The following ADGRB1 variants were observed in gnomAD, a reference collection of about 807,000 sequenced individuals.
ADGRB1 encodes adhesion G protein-coupled receptor B1, also known as brain-specific angiogenesis inhibitor 1.
A neutral mutation model predicts 175.7 loss-of-function variants in ADGRB1; 36 were observed. The observed-to-expected ratio is 0.20, with a 90% CI of 0.16 to 0.27. The LOEUF is 0.27. ADGRB1 is among the 10% of genes least tolerant of loss of function. ADGRB1 has a pLI of 1.00. For missense variants in ADGRB1, 1,731 were observed against 2,255.3 expected (o/e 0.77, Z 4.71); for synonymous variants, 1,054 against 979.4 (o/e 1.08, Z -1.42).
rs746533944 is a variant in ADGRB1, at chr8:142,475,564, C to T, written c.875C>T (p.Pro292Leu). 2.4e-6 allele frequency: 3 copies of T among 1,274,316 alleles called. No homozygotes were observed. The highest frequency in any genetic ancestry group is 3.0e-6 in the Non-Finnish European group (3 of 1,010,536). 78.9% of individuals were successfully genotyped at this position (1,274,316 alleles called of 1,614,324 possible). ...CGGACGCGCACCTGCCTGCCCGCGC[C>T]GGGCGTGGAGGGCGGCGGCTGCGAG... Reference protein sequence around the residue: ...QTRTRTCLPAPGVEGGGCEGV... With the variant: ...QTRTRTCLPALGVEGGGCEGV... Residue 292 changes from proline (P) to leucine (L), a missense_variant, in exon 3 of 31, where the codon CCG becomes CTG. By Grantham distance (98) the Pro-to-Leu change is moderately conservative (BLOSUM62 -3). Around this residue, in one of 8 missense-constraint regions of ADGRB1, gnomAD observed 178 missense variants for 227.8 expected, o/e 0.78. Transcript: ENST00000517894.
rs997125934 is a variant in ADGRB1, at chr8:142,511,836, G to C, written c.2817+763G>C. The stretch of plus-strand genomic sequence containing the variant: ...GAGGCCCAGGACAGCCCACAGAGCA[G>C]GAAAGGGCCTTGGGCGTGTGCTCAC... On this transcript the variant is annotated intron_variant, in intron 18 of 30. Coordinates refer to ENST00000517894, the MANE Select transcript of ADGRB1 (RefSeq NM_001702.3). The surrounding 1 kb of genome is among the most constrained non-coding windows in gnomAD (Gnocchi z 4.5). Among the ~76,000 whole-genome samples the C allele has an allele frequency of 1.3e-5, 2 of 152,248 alleles. No homozygotes were observed. The highest frequency in any genetic ancestry group is 2.9e-5 in the Non-Finnish European group (2 of 68,048).
intron 26 of ADGRB1, 46 bp from the exon 27 acceptor site, chr8:142,539,328 C>T: frequency 1.3e-6 from 2 of 1,553,940 alleles, no homozygotes; most frequent in South Asian, 1.2e-5. Flanking sequence ...GCACACACCC[C>T]CGCTCCCAGA....
rs1461146954 is a variant in ADGRB1 at position 142,464,324 on chromosome 8, G to A, written c.126G>A (p.Pro42=). 1.3e-6 allele frequency: 2 copies of A among 1,492,672 alleles called. No individual in the cohort carries two copies. The highest frequency in any genetic ancestry group is 1.3e-5 in the South Asian group (1 of 77,782). The allele number at this position is 1,492,672 out of a possible 1,614,324, so 92.5% of individuals were successfully genotyped here. ...CAGACGCGGGGCCCGGGCCCGAGCCGTGCGCCACGCTGGTGCAGGGAAAGT... is the reference window on the plus strand; with the variant it reads ...CAGACGCGGGGCCCGGGCCCGAGCCATGCGCCACGCTGGTGCAGGGAAAGT... ...AGADAGPGPE[P]CATLVQGKFF... is the part of the protein sequence containing the mutation. Residue 42 remains proline (P), a synonymous_variant, in exon 2 of 31, where the codon CCG becomes CCA. Transcript: ENST00000517894.
intron 1 of ADGRB1, 46 bp from the exon 2 acceptor site, chr8:142,463,934 C>T: frequency 3.1e-6 from 1 of 324,066 alleles, no homozygotes; most frequent in Non-Finnish European, 5.6e-6. Context: ...CCAGAGCCCA[C>T]GTCTCCCCAA....
chr8:142,537,071 G>A lies in ADGRB1; in HGVS notation c.3655G>A (p.Ala1219Thr), dbSNP rs1273962372. 4 of 1,556,556 alleles carry A rather than the reference G, an allele frequency of 2.6e-6. No individual in the cohort carries two copies. The highest frequency in any genetic ancestry group is 1.4e-5 in the African/African-American group (1 of 73,076). Reference protein sequence around the residue: ...DSGGSFQNGHAQLMTDFEKDV... With the variant: ...DSGGSFQNGHTQLMTDFEKDV... ...AGGGGGCTCCTTCCAGAACGGCCAC[G>A]CCCAGCTCATGGTAGGACTCAGGGC... Residue 1219 changes from alanine to threonine, a missense_variant, in exon 26 of 31, where the codon GCC (alanine) becomes ACC (threonine). This residue lies in a region of ADGRB1 where 301 missense variants were observed against 488.4 expected (regional missense o/e 0.62). Transcript: ENST00000517894. This position sits in a 1 kb window ranked among gnomAD's most constrained non-coding sequence, Gnocchi z 4.6.
At position 142,522,125 on chromosome 8, in the gene ADGRB1, G is replaced by C. The variant is rs765690976; in HGVS notation, c.3175+10G>C. ...CTCTGCCTGGGCTGGGGTGAGCCGC[G>C]GCCTTCCCGACCCTCCTGGACAGAT... is the stretch of plus-strand genomic sequence containing the variant. On this transcript the variant is annotated intron_variant, in intron 21 of 30. Coordinates refer to ENST00000517894, the MANE Select transcript of ADGRB1 (RefSeq NM_001702.3). 3.1e-6 allele frequency: 5 copies of C among 1,605,976 alleles called. No homozygotes were observed. In the South Asian group the frequency reaches 3.3e-5, roughly 11 times the overall value.
rs376987304 is a variant in ADGRB1 at position 142,542,254 on chromosome 8, T to C, written c.4020T>C (p.Ala1340=). Residue 1340 remains alanine, a synonymous_variant, in exon 28 of 31, where the codon GCT becomes GCC. Coordinates refer to ENST00000517894, the MANE Select transcript of ADGRB1 (RefSeq NM_001702.3). This position sits in a 1 kb window ranked among gnomAD's most constrained non-coding sequence, Gnocchi z 6.3. ...AGCTGAGCCGGGCCCAGGAGAAGGC[T>C]CTGGACACGAGCTACGTGATCCTGC... ...DSELSRAQEK[A]LDTSYVILPT... 5.6e-6 allele frequency: 9 copies of C among 1,613,292 alleles called. No individual in the cohort carries two copies. The highest frequency in any genetic ancestry group is 5.3e-5 in the African/African-American group (4 of 74,846).
In ADGRB1 at chr8:142,465,042, A is replaced by G. The variant is rs553353832; in HGVS notation, c.784+60A>G. 1.1e-4 allele frequency: 74 copies of G among 657,670 alleles called. 1 individual carries two copies. Among genetic ancestry groups the G allele is most frequent in the Middle Eastern group, 1.1e-3 (2 of 1,896 alleles). 40.7% of individuals were successfully genotyped at this position (657,670 alleles called of 1,614,324 possible). A position where few individuals can be genotyped will look rare whatever the true frequency, so the allele number is the denominator to read the frequency against. On this transcript the variant is annotated intron_variant, in intron 2 of 30. Transcript: ENST00000517894. The stretch of plus-strand genomic sequence containing the variant: ...AGGTGGGCAGACAGGGGAGGCGGGC[A>G]GACAGGGGAGGCGGGCGGATGGGGG...
intron 17 of ADGRB1, among the ~76,000 whole-genome samples, chr8:142,503,520 T>C (rs1215631993): frequency 2.6e-5 from 4 of 152,014 alleles, no homozygotes; most frequent in Non-Finnish European, 5.9e-5. Flanking sequence ...CAGGGGTAGG[T>C]GACAGGCCAG....
chr8:142,516,568 G>C (rs1843453995), intron 18 of ADGRB1, among the ~76,000 whole-genome samples: 1 of 150,980 alleles, frequency 6.6e-6, no homozygotes, highest in African/African-American at 2.4e-5. Flanking sequence ...ATGTGTGTGT[G>C]TGTGGGCCCC....
At chr8:142,469,463 A>G (rs186193842) in intron 2 of ADGRB1, among the ~76,000 whole-genome samples, 47 of 119,088 alleles carry the variant, frequency 3.9e-4, no homozygotes, top group African/African-American at 1.3e-3. Context: ...GAATGTGTGT[A>G]TGCACGTGCA....
At chr8:142,454,800 C>T (rs901345801) in intron 1 of ADGRB1, among the ~76,000 whole-genome samples, 2 of 152,056 alleles carry the variant, frequency 1.3e-5, no homozygotes, top group East Asian at 3.9e-4. Context: ...TTTTTTCATA[C>T]TAACTCATTT....
intron 2 of ADGRB1, 63 bp from the exon 3 acceptor site, chr8:142,475,411 C>T: frequency 8.0e-7 from 1 of 1,242,876 alleles, no homozygotes; most frequent in Non-Finnish European, 1.0e-6. Context: ...ACCCCCATGA[C>T]TTACCCGTCC....
chr8:142,489,672 C>T (rs775559184), intron 16 of ADGRB1, among the ~76,000 whole-genome samples: 34 of 152,208 alleles, frequency 2.2e-4, no homozygotes, highest in Non-Finnish European at 4.3e-4. Context: ...GACTCCCCAC[C>T]TGGGCTCCAA....
chr8:142,522,797 C>T, intron 22 of ADGRB1, 87 bp downstream of exon 22: 5 of 1,315,084 alleles, frequency 3.8e-6, no homozygotes, highest in Admixed American at 3.7e-5. Context: ...CTGGCCATGC[C>T]CTCCCCCCGT....
At chr8:142,481,834 T>G in intron 11 of ADGRB1, 123 bp downstream of exon 11, 1 of 865,256 alleles carries the variant, frequency 1.2e-6, no homozygotes, top group Non-Finnish European at 1.7e-6. Flanking sequence ...TGTCATAGGT[T>G]GAACTCTGAC....
intron 2 of ADGRB1, among the ~76,000 whole-genome samples, chr8:142,466,438 G>A (rs914821477): frequency 4.6e-5 from 7 of 152,248 alleles, no homozygotes; most frequent in Non-Finnish European, 7.3e-5. Flanking sequence ...GCTAGAGAGG[G>A]GCCAGAGGAA....
At chr8:142,453,525 C>G (rs1839484462) in intron 1 of ADGRB1, among the ~76,000 whole-genome samples, 2 of 152,330 alleles carry the variant, frequency 1.3e-5, no homozygotes, top group Admixed American at 6.5e-5. Context: ...CTGGCTGCAG[C>G]TGCGCCATCG....
rs144188678 is a variant in ADGRB1, at chr8:142,493,799, T to C, written c.2675+2984T>C. On this transcript the variant is annotated intron_variant, in intron 17 of 30. Transcript: ENST00000517894. This position sits in a 1 kb window ranked among gnomAD's most constrained non-coding sequence, Gnocchi z 5.0. Reference sequence around the variant, plus strand: ...ACGGCTGGCAGGGAAGGACTGGGACTGACCTCGGTCCCCTTCCTTCTGCCC... The same window carrying C: ...ACGGCTGGCAGGGAAGGACTGGGACCGACCTCGGTCCCCTTCCTTCTGCCC... Among the ~76,000 whole-genome samples the C allele has an allele frequency of 3.7e-3, 570 of 152,340 alleles. 2 individuals carry two copies. Among genetic ancestry groups the C allele is most frequent in the African/African-American group, 0.013 (559 of 41,586 alleles).
Sources: gnomAD v4.1 joint callset for allele counts (sites outside exome capture counted in the v4.1 genomes callset) on GRCh38, gnomAD v4.1.1 for gene constraint, gnomAD v4.1.1 regional missense constraint, Gnocchi (gnomAD v3.1) non-coding constraint, MANE v1.5 for transcripts, NCBI Gene and HGNC (gene_info 2026-07-23, HGNC 2026-07-21) for gene names.